TMEM131L: variants seen among roughly 807,000 people sequenced by gnomAD.
TMEM131L encodes the protein transmembrane protein 131-like.
Under a neutral mutation model 192.2 loss-of-function variants are expected in TMEM131L, and 54 were observed. That is an observed-to-expected ratio of 0.28 (90% CI 0.23 to 0.35). The LOEUF (loss-of-function observed/expected upper bound fraction) is 0.35, where lower values mean the gene tolerates loss of function less well. Among genes scored for constraint, TMEM131L ranks in the 10% least tolerant of loss-of-function variants. The probability of loss-of-function intolerance (pLI) is 1.00; values close to 1 mark genes in which losing one functional copy is unlikely to be tolerated. For synonymous variants in TMEM131L, 701 were observed against 704.9 expected, an observed-to-expected ratio of 0.99 and a Z score of 0.09; for missense variants, 1,888 against 1,972.9, an observed-to-expected ratio of 0.96 and a Z score of 0.82.
intron 7 of TMEM131L, among the ~76,000 whole-genome samples, chr4:153,576,554 G>A (rs1213230961): frequency 6.6e-6 from 1 of 151,982 alleles, no homozygotes; most frequent in Non-Finnish European, 1.5e-5. Flanking sequence ...TGTTAATTGT[G>A]TCAAAAACTG....
At chr4:153,470,535 A>T (rs547851600) in intron 2 of TMEM131L, among the ~76,000 whole-genome samples, 115 of 152,288 alleles carry the variant, frequency 7.6e-4, no homozygotes, top group African/African-American at 2.7e-3. Flanking sequence ...AAGGAGGAAA[A>T]ATATATATGA....
intron 7 of TMEM131L, among the ~76,000 whole-genome samples, chr4:153,568,340 C>G (rs1729361867): frequency 6.6e-6 from 1 of 152,144 alleles, no homozygotes. Context: ...CGTCTTCCTC[C>G]TTGTTTGTGC....
chr4:153,566,775 G>C (rs530606371), intron 7 of TMEM131L, among the ~76,000 whole-genome samples: 18 of 152,336 alleles, frequency 1.2e-4, no homozygotes, highest in Non-Finnish European at 2.1e-4. Flanking sequence ...GTGTGGATGA[G>C]AGATTTTCTC....
chr4:153,530,555 T>C (rs952415374), intron 3 of TMEM131L, among the ~76,000 whole-genome samples: 1 of 152,214 alleles, frequency 6.6e-6, no homozygotes, highest in African/African-American at 2.4e-5. Flanking sequence ...GAGGGTCTTC[T>C]GTCCAGGGTA....
chr4:153,534,600 A>AT (rs1334480322), intron 3 of TMEM131L, among the ~76,000 whole-genome samples: 2 of 151,948 alleles, frequency 1.3e-5, no homozygotes, highest in East Asian at 3.9e-4. Context: ...CGCCCGGCTA[A>AT]TTTTTTGTAT....
At chr4:153,474,846 G>A (rs114778329) in intron 3 of TMEM131L, among the ~76,000 whole-genome samples, 2,963 of 152,212 alleles carry the variant, frequency 0.019, 54 homozygotes, top group South Asian at 0.069. Context: ...ATGAGCCACC[G>A]CACTCGGTCC....
At chr4:153,569,748 A>G (rs1270998213) in intron 7 of TMEM131L, among the ~76,000 whole-genome samples, 1 of 152,222 alleles carries the variant, frequency 6.6e-6, no homozygotes, top group Non-Finnish European at 1.5e-5. Flanking sequence ...TGGTGTAGCA[A>G]TTGAATCAAC....
At chr4:153,565,852 C>T (rs143838864) in intron 7 of TMEM131L, among the ~76,000 whole-genome samples, 22 of 152,094 alleles carry the variant, frequency 1.4e-4, no homozygotes, top group East Asian at 3.9e-4. Flanking sequence ...AAATATATGG[C>T]GAGGTTTATG....
chr4:153,475,847 A>C (rs562994886), intron 3 of TMEM131L, among the ~76,000 whole-genome samples: 2 of 152,342 alleles, frequency 1.3e-5, no homozygotes, highest in South Asian at 4.1e-4. Context: ...ATATGCAAAT[A>C]CTATATACCA....
intron 3 of TMEM131L, among the ~76,000 whole-genome samples, chr4:153,507,155 G>A (rs902636350): frequency 2.0e-5 from 3 of 152,188 alleles, no homozygotes; most frequent in Non-Finnish European, 4.4e-5. Context: ...ACAACACCAC[G>A]GGAAGCTTTG....
Position 153,581,535 on chromosome 4 carries a change from A to G in TMEM131L, c.867A>G (p.Val289=). The change falls in exon 9 of 35, where the codon GTA becomes GTG. Residue 289 remains valine, a synonymous_variant. Transcript: ENST00000409959. Reference sequence around the variant, plus strand: ...TAGATCATCTCTCTATTGTTTACGTAGCTACAGATGAATCTGAGACCTCAG... The same window carrying G: ...TAGATCATCTCTCTATTGTTTACGTGGCTACAGATGAATCTGAGACCTCAG... ...HLLDHLSIVY[V]ATDESETSDD... 6.3e-7 allele frequency: 1 copy of G among 1,581,310 alleles called. No individual in the cohort carries two copies. Among genetic ancestry groups the G allele is most frequent in the Non-Finnish European group, 8.6e-7 (1 of 1,163,190 alleles).
intron 2 of TMEM131L, among the ~76,000 whole-genome samples, chr4:153,470,756 A>G (rs1580000756): frequency 1.3e-5 from 2 of 152,174 alleles, no homozygotes; most frequent in Admixed American, 6.5e-5. Context: ...CGCATAGGTG[A>G]TGTCCACCTG....
intron 14 of TMEM131L, among the ~76,000 whole-genome samples, chr4:153,587,277 C>G (rs1259632997): frequency 6.6e-6 from 1 of 151,700 alleles, no homozygotes; most frequent in Admixed American, 6.6e-5. Context: ...TCCTGAATAG[C>G]TAGGAGTTGT....
chr4:153,547,045 A>C (rs899073886), intron 3 of TMEM131L, among the ~76,000 whole-genome samples: 9 of 152,262 alleles, frequency 5.9e-5, no homozygotes, highest in South Asian at 2.1e-4. Context: ...ACTGACGTTA[A>C]AACTCCTTAT....
chr4:153,544,598 G>T (rs1283616842), intron 3 of TMEM131L, among the ~76,000 whole-genome samples: 1 of 152,188 alleles, frequency 6.6e-6, no homozygotes, highest in Non-Finnish European at 1.5e-5. Context: ...TCTGTGCTCA[G>T]TTCTCCAAGG....
At chr4:153,535,737 A>C (rs531911507) in intron 3 of TMEM131L, among the ~76,000 whole-genome samples, 1 of 152,322 alleles carries the variant, frequency 6.6e-6, no homozygotes, top group African/African-American at 2.4e-5. Context: ...ATATTCTCAC[A>C]GGTTCAGAAC....
intron 6 of TMEM131L, 134 bp downstream of exon 6, chr4:153,557,216 T>C: frequency 3.2e-6 from 2 of 624,968 alleles, no homozygotes; most frequent in Non-Finnish European, 2.8e-6. Flanking sequence ...CTGTTAGTGA[T>C]GTTAAAATCA....
chr4:153,496,148 G>A (rs890411251), intron 3 of TMEM131L, among the ~76,000 whole-genome samples: 1 of 152,152 alleles, frequency 6.6e-6, no homozygotes, highest in Non-Finnish European at 1.5e-5. Flanking sequence ...AATAGATTAG[G>A]CTATGGGTTT....
chr4:153,565,985 T>C (rs1007069102), intron 7 of TMEM131L, among the ~76,000 whole-genome samples: 2 of 152,218 alleles, frequency 1.3e-5, no homozygotes, highest in African/African-American at 2.4e-5. Context: ...CAAAACAGAA[T>C]ATTTGAAATT....
Sources: gnomAD v4.1 joint callset for allele counts (sites outside exome capture counted in the v4.1 genomes callset) on GRCh38, gnomAD v4.1.1 for gene constraint, MANE v1.5 for transcripts, NCBI Gene and HGNC (gene_info 2026-07-23, HGNC 2026-07-21) for gene names.